EXOSC8: variants seen among roughly 807,000 people sequenced by gnomAD.
The protein encoded by EXOSC8 is exosome complex component RRP43.
Under a neutral mutation model 39.9 loss-of-function variants are expected in EXOSC8, and 37 were observed. That is an observed-to-expected ratio of 0.93 (90% CI 0.71 to 1.22). EXOSC8 has a LOEUF of 1.22. Among genes scored for constraint, EXOSC8 ranks in the 50% most tolerant of loss-of-function variants. The probability of loss-of-function intolerance (pLI) is 0.00; values close to 1 mark genes in which losing one functional copy is unlikely to be tolerated. For synonymous variants in EXOSC8, 93 were observed against 109.5 expected (o/e 0.85, Z 0.94); for missense variants, 313 against 326.6 (o/e 0.96, Z 0.32).
rs1422829252 is a variant in EXOSC8, at chr13:37,009,467, G to C, written c.*168G>C. 2.2e-5 allele frequency: 17 copies of C among 768,804 alleles called. No homozygotes were observed. The East Asian group carries it at 4.3e-4, about 19-fold the overall frequency. The allele number at this position is 768,804 out of a possible 1,614,324, so 47.6% of individuals were successfully genotyped here. ...TGTATAGTGAAACCATTTTTAAAAA[G>C]CAATGACTTAGGCAAACCAACCCTA... On this transcript the variant is annotated 3_prime_UTR_variant, in exon 11 of 11. Transcript: ENST00000389704.
At chr13:37,005,823 C>G (rs1281107882) in intron 5 of EXOSC8, 97 bp from the exon 6 acceptor site, 18 of 615,430 alleles carry the variant, frequency 2.9e-5, no homozygotes, top group African/African-American at 1.4e-4. Flanking sequence ...GAGATCGCAC[C>G]AATGCACTCC....
At chr13:37,003,245 T>TA (rs1239880250) in intron 4 of EXOSC8, 22 of 440,492 alleles carry the variant, frequency 5.0e-5, no homozygotes, top group Non-Finnish European at 6.8e-5. Flanking sequence ...GTCACCATTT[T>TA]AAAAAAATTG....
intron 4 of EXOSC8, 68 bp from the exon 5 acceptor site, chr13:37,004,448 A>G (rs1303031439): frequency 3.6e-6 from 4 of 1,098,444 alleles, no homozygotes; most frequent in Non-Finnish European, 5.5e-6. Context: ...TCCATAACTG[A>G]TTGCTAAATT....
intron 9 of EXOSC8, 88 bp from the exon 10 acceptor site, chr13:37,008,641 A>G: frequency 2.5e-6 from 2 of 813,846 alleles, no homozygotes; most frequent in Middle Eastern, 2.6e-4. Context: ...TGTTAATTCC[A>G]GCTACTTGGG....
At chr13:37,002,009 A>T (rs530532439) in intron 1 of EXOSC8, among the ~76,000 whole-genome samples, 268 of 152,326 alleles carry the variant, frequency 1.8e-3, no homozygotes, top group African/African-American at 6.2e-3. Context: ...CAAGAACGAC[A>T]TGATTCTTTT....
chr13:37,000,912 CCG>C (rs2059095915), intron 1 of EXOSC8, 90 bp downstream of exon 1: 3 of 1,397,640 alleles, frequency 2.1e-6, no homozygotes, highest in Non-Finnish European at 2.8e-6. Context: ...CACCTGGAGG[CCG>C]ACCCCGTTGG....
intron 8 of EXOSC8, among the ~76,000 whole-genome samples, chr13:37,007,714 A>G (rs187430024): frequency 2.0e-5 from 3 of 152,334 alleles, no homozygotes. Flanking sequence ...TATCTATAAT[A>G]AAATAGGGAT....
chr13:37,007,097 T>C, intron 8 of EXOSC8, 26 bp downstream of exon 8: 1 of 1,368,438 alleles, frequency 7.3e-7, no homozygotes, highest in South Asian at 1.2e-5. Flanking sequence ...AAAAAGGCAA[T>C]ATTCCCACTC....
At chr13:37,002,648 G>A (rs1277362427) in intron 3 of EXOSC8, 97 bp downstream of exon 3, 5 of 870,120 alleles carry the variant, frequency 5.7e-6, no homozygotes, top group Non-Finnish European at 9.0e-6. Flanking sequence ...TTGTCTAAAG[G>A]ATTTGATGAT....
chr13:37,008,024 A>C, intron 8 of EXOSC8, 33 bp from the exon 9 acceptor site: 1 of 1,492,506 alleles, frequency 6.7e-7, no homozygotes, highest in Non-Finnish European at 9.2e-7. Context: ...TTTCTTAGAG[A>C]CTTACTTACT....
At chr13:37,007,907 C>T (rs867065829) in intron 8 of EXOSC8, 150 bp from the exon 9 acceptor site, 34 of 596,332 alleles carry the variant, frequency 5.7e-5, no homozygotes, top group Middle Eastern at 4.6e-4. Context: ...TGTATATCCT[C>T]TATATTTACC....
At chr13:37,008,890 C>A in intron 10 of EXOSC8, 55 bp downstream of exon 10, 1 of 1,167,260 alleles carries the variant, frequency 8.6e-7, no homozygotes, top group Non-Finnish European at 1.3e-6. Flanking sequence ...TCAGTGTGAG[C>A]CTTAAATTAG....
Position 37,000,821 on chromosome 13 carries a change from A to C in EXOSC8, c.16A>C (p.Lys6Gln). 1 of 1,579,718 alleles carries C rather than the reference A, an allele frequency of 6.3e-7. No individual in the cohort carries two copies. The highest frequency in any genetic ancestry group is 8.6e-7 in the Non-Finnish European group (1 of 1,163,260). MAAGF[K>Q]TVEPLEYYRR... ...GGGCGGGAAGATGGCGGCTGGGTTC[A>C]AGTGAGTGTTGGCGGGTGGCGGGTA... is the stretch of plus-strand genomic sequence containing the variant. Residue 6 changes from lysine (K) to glutamine (Q), a missense_variant and splice_region_variant, in exon 1 of 11, where the codon AAA (lysine) becomes CAA (glutamine). Coordinates refer to ENST00000389704, the MANE Select transcript of EXOSC8 (RefSeq NM_181503.3).
In EXOSC8 at chr13:37,008,736, C is replaced by G. The variant is rs1184055028; in HGVS notation, c.616C>G (p.Leu206Val). 7.5e-6 allele frequency: 12 copies of G among 1,604,786 alleles called. No individual in the cohort carries two copies. The highest frequency in any genetic ancestry group is 1.3e-5 in the African/African-American group (1 of 74,602). ...ATTTTTTTCTTTTTATAGCACTTTG[C>G]TTATAGTTGACCCTACTGGAGAGGA... ...TSFAVFDDTL[L>V]IVDPTGEEEH... Residue 206 changes from leucine (L) to valine (V), a missense_variant, in exon 10 of 11, where the codon CTT (leucine) becomes GTT (valine). By Grantham distance (32) the Leu-to-Val change is conservative. Transcript: ENST00000389704.
intron 5 of EXOSC8, among the ~76,000 whole-genome samples, chr13:37,005,434 T>G (rs1423653759): frequency 1.3e-5 from 2 of 152,118 alleles, no homozygotes; most frequent in African/African-American, 4.8e-5. Context: ...AATAGAAATT[T>G]CATGGCTGGG....
chr13:37,001,948 A>G, intron 1 of EXOSC8: 1 of 210,258 alleles, frequency 4.8e-6, no homozygotes, highest in Non-Finnish European at 9.4e-6. Flanking sequence ...TAGATTATTA[A>G]AATAATCTTT....
In EXOSC8 at chr13:37,002,492, A is replaced by AGAACT. The variant is rs1278352198; in HGVS notation, c.61_65dup (p.Cys22Ter). The AGAACT allele has an allele frequency of 5.1e-6, 8 of 1,565,404 alleles. No individual in the cohort carries two copies. Among genetic ancestry groups the AGAACT allele is most frequent in the Non-Finnish European group, 6.1e-6 (7 of 1,151,106 alleles). On this transcript the variant is annotated frameshift_variant, in exon 3 of 11. Transcript: ENST00000389704. LOFTEE classifies it high-confidence loss of function. Reference sequence around the variant, plus strand: ...TATATAAACATATTTATTTAGAAAGAGAACTGCCGTCCTGATGGAAGAGAA... The same window carrying AGAACT: ...TATATAAACATATTTATTTAGAAAGAGAACTGAACTGCCGTCCTGATGGAAGAGAA...
At position 37,001,261 on chromosome 13, in the gene EXOSC8, T is replaced by C. The variant is rs563026889; in HGVS notation, c.17+439T>C. On this transcript the variant is annotated intron_variant, in intron 1 of 10. Transcript: ENST00000389704. ...CTGTCTCTAATAAAAATATAAAAAT[T>C]AGCCGGGCGTGGTGGCGGGCGCCTG... Among the ~76,000 whole-genome samples, 18 of 152,092 alleles carry C rather than the reference T, an allele frequency of 1.2e-4. No individual in the cohort carries two copies. The East Asian group carries it at 3.3e-3, about 28-fold the overall frequency.
At position 37,001,033 on chromosome 13, in the gene EXOSC8, C is replaced by CTA. The variant is rs1437859489; in HGVS notation, c.17+212_17+213insAT. On this transcript the variant is annotated intron_variant, in intron 1 of 10. Coordinates refer to ENST00000389704, the MANE Select transcript of EXOSC8 (RefSeq NM_181503.3). ...CAGTGAGACGGGAGATGAAAGGACT[C>CTA]TGTAGAGTTCCATACCCGCTGCGAG... Among the ~76,000 whole-genome samples the CTA allele has an allele frequency of 2.0e-5, 3 of 152,158 alleles. No individual in the cohort carries two copies. The East Asian group carries it at 5.8e-4, about 29-fold the overall frequency.
Sources: gnomAD v4.1 joint callset for allele counts (sites outside exome capture counted in the v4.1 genomes callset) on GRCh38, gnomAD v4.1.1 for gene constraint, MANE v1.5 for transcripts, NCBI Gene and HGNC (gene_info 2026-07-23, HGNC 2026-07-21) for gene names.